Variants in PLAG1 observed in about 807,000 individuals in gnomAD.
The protein encoded by PLAG1 is zinc finger protein PLAG1.
A neutral mutation model predicts 35.5 loss-of-function variants in PLAG1; 7 were observed. The ratio of observed to expected loss-of-function variants is 0.20; its 90% CI spans 0.11 to 0.37. The LOEUF is 0.37. Among genes scored for constraint, PLAG1 ranks in the 10% least tolerant of loss-of-function variants. PLAG1 has a pLI of 1.00. For synonymous variants in PLAG1, 229 were observed against 225.4 expected, an observed-to-expected ratio of 1.02 and a Z score of -0.14; for missense variants, 454 against 602.8, an observed-to-expected ratio of 0.75 and a Z score of 2.58.
At chr8:56,196,951 C>CGTGT (rs10534078) in intron 1 of PLAG1, among the ~76,000 whole-genome samples, 47,986 of 142,412 alleles carry the variant, frequency 0.34, 8,141 homozygotes, top group East Asian at 0.52. Flanking sequence ...CCCTAGTGTG[C>CGTGT]GTGTGTGTGT....
At chr8:56,180,803 A>C (rs1450600247) in intron 1 of PLAG1, among the ~76,000 whole-genome samples, 2 of 152,228 alleles carry the variant, frequency 1.3e-5, no homozygotes, top group Admixed American at 1.3e-4. Flanking sequence ...AAATTTCTGC[A>C]ATCTATCCAT....
intron 1 of PLAG1, among the ~76,000 whole-genome samples, chr8:56,198,175 C>T (rs1812439228): frequency 6.6e-6 from 1 of 152,256 alleles, no homozygotes; most frequent in Admixed American, 6.5e-5. Flanking sequence ...GGAATTTACC[C>T]TGTGCCGGTT....
Position 56,166,014 on chromosome 8 carries a change from G to A in PLAG1, c.*229C>T. 3.3e-6 allele frequency: 1 copy of A among 302,724 alleles called. No individual in the cohort carries two copies. The highest frequency in any genetic ancestry group is 6.1e-6 in the Non-Finnish European group (1 of 164,072). The allele number at this position is 302,724 out of a possible 1,614,324, so 18.8% of individuals were successfully genotyped here. Reference sequence around the variant, plus strand: ...TGGAAAAAAAAAAGTCTTAAAATGTGACAATTGGCAGTGAATCAGGACAAA... The same window carrying A: ...TGGAAAAAAAAAAGTCTTAAAATGTAACAATTGGCAGTGAATCAGGACAAA... On this transcript the variant is annotated 3_prime_UTR_variant, in exon 5 of 5. Transcript: ENST00000316981.
At chr8:56,196,566 G>A (rs975995537) in intron 1 of PLAG1, among the ~76,000 whole-genome samples, 1 of 152,108 alleles carries the variant, frequency 6.6e-6, no homozygotes, top group Non-Finnish European at 1.5e-5. Context: ...CCAGTGGGGT[G>A]TGAGGACACG....
chr8:56,183,743 T>C (rs2129228992), intron 1 of PLAG1, among the ~76,000 whole-genome samples: 1 of 152,320 alleles, frequency 6.6e-6, no homozygotes, highest in Non-Finnish European at 1.5e-5. Context: ...AATAATGTTT[T>C]TTTAACAAAT....
At chr8:56,204,894 C>T (rs1812656364) in intron 1 of PLAG1, among the ~76,000 whole-genome samples, 1 of 151,872 alleles carries the variant, frequency 6.6e-6, no homozygotes, top group Non-Finnish European at 1.5e-5. Context: ...AAGATGCCCC[C>T]TCCTCTCTCA....
intron 3 of PLAG1, among the ~76,000 whole-genome samples, chr8:56,170,081 T>C (rs1811476283): frequency 6.6e-6 from 1 of 152,234 alleles, no homozygotes; most frequent in South Asian, 2.1e-4. Flanking sequence ...TTTATTTTAA[T>C]GTAAAGGCTG....
chr8:56,181,189 C>T (rs139711577), intron 1 of PLAG1, among the ~76,000 whole-genome samples: 21,326 of 152,162 alleles, frequency 0.14, 1,772 homozygotes, highest in Middle Eastern at 0.19. Context: ...ACTAGAAATA[C>T]CATTTGACCC....
intron 1 of PLAG1, among the ~76,000 whole-genome samples, chr8:56,190,341 G>A (rs1445617011): frequency 1.3e-5 from 2 of 152,276 alleles, no homozygotes; most frequent in African/African-American, 2.4e-5. Context: ...GCAACAGGTC[G>A]AAGGTATGCC....
At chr8:56,197,854 C>T (rs1373383360) in intron 1 of PLAG1, among the ~76,000 whole-genome samples, 1 of 152,118 alleles carries the variant, frequency 6.6e-6, no homozygotes, top group Non-Finnish European at 1.5e-5. Flanking sequence ...GTACTTGTTG[C>T]GCAGGGCTTA....
intron 1 of PLAG1, among the ~76,000 whole-genome samples, chr8:56,181,042 G>A (rs1161111762): frequency 6.6e-6 from 1 of 152,168 alleles, no homozygotes; most frequent in Non-Finnish European, 1.5e-5. Context: ...AGTTAGAATG[G>A]CAATCATTAA....
chr8:56,195,057 T>TG (rs964197237), intron 1 of PLAG1, among the ~76,000 whole-genome samples: 1 of 152,050 alleles, frequency 6.6e-6, no homozygotes, highest in Non-Finnish European at 1.5e-5. Flanking sequence ...TTAGTGAACT[T>TG]GGGGGGTAAA....
At chr8:56,194,209 C>T (rs1273048090) in intron 1 of PLAG1, among the ~76,000 whole-genome samples, 1 of 149,798 alleles carries the variant, frequency 6.7e-6, no homozygotes, top group Non-Finnish European at 1.5e-5. Context: ...CTCAGCTACT[C>T]AGGAGGCTGA....
intron 1 of PLAG1, among the ~76,000 whole-genome samples, chr8:56,194,431 G>A (rs1812291890): frequency 1.3e-5 from 2 of 152,210 alleles, no homozygotes; most frequent in South Asian, 4.2e-4. Flanking sequence ...ATAAATGAGC[G>A]TAGCAAGATC....
At chr8:56,195,960 G>A (rs745563439) in intron 1 of PLAG1, among the ~76,000 whole-genome samples, 1 of 152,088 alleles carries the variant, frequency 6.6e-6, no homozygotes, top group Non-Finnish European at 1.5e-5. Context: ...ACCTAGTCTC[G>A]CGGGTGTGGG....
At chr8:56,179,383 G>T in intron 2 of PLAG1, 26 bp downstream of exon 2, 2 of 271,208 alleles carry the variant, frequency 7.4e-6, no homozygotes, top group South Asian at 1.4e-4. Flanking sequence ...TGAAAGTCAT[G>T]CCATATAATG....
At chr8:56,177,308 CT>C (rs1249745842) in intron 2 of PLAG1, among the ~76,000 whole-genome samples, 1 of 152,312 alleles carries the variant, frequency 6.6e-6, no homozygotes. Flanking sequence ...GATAAAATCA[CT>C]TCTAGAAACA....
Position 56,162,417 on chromosome 8 carries a change from C to T in PLAG1, c.*3826G>A. 4.5e-6 allele frequency: 1 copy of T among 221,374 alleles called. No homozygotes were observed. 13.7% of individuals were successfully genotyped at this position (221,374 alleles called of 1,614,324 possible). On this transcript the variant is annotated 3_prime_UTR_variant, in exon 5 of 5. Transcript: ENST00000316981. ...TGAAAAGACACACACTGATTCTGTGCAATATAGCAAATTGATAAGAAAACA... is the reference window on the plus strand; with the variant it reads ...TGAAAAGACACACACTGATTCTGTGTAATATAGCAAATTGATAAGAAAACA...
chr8:56,208,067 C>T (rs1812746184), intron 1 of PLAG1, among the ~76,000 whole-genome samples: 1 of 151,790 alleles, frequency 6.6e-6, no homozygotes, highest in South Asian at 2.1e-4. Flanking sequence ...ACTTGAATTC[C>T]TTCATTTTTT....
Sources: allele counts gnomAD v4.1 joint callset (sites outside exome capture counted in the v4.1 genomes callset), GRCh38; gene constraint gnomAD v4.1.1; transcripts MANE v1.5; gene names NCBI Gene and HGNC (gene_info 2026-07-23, HGNC 2026-07-21).